TSPAN12: variants seen among roughly 807,000 people sequenced by gnomAD.
The protein encoded by TSPAN12 is tetraspanin 12.
A neutral mutation model predicts 39.2 loss-of-function variants in TSPAN12; 19 were observed. The ratio of observed to expected loss-of-function variants is 0.49; its 90% confidence interval spans 0.34 to 0.71. The LOEUF is 0.71. Among genes scored for constraint, TSPAN12 ranks in the 30% least tolerant of loss-of-function variants. TSPAN12 has a pLI of 0.01. For missense variants in TSPAN12, 314 were observed against 359.9 expected, an observed-to-expected ratio of 0.87 and a Z score of 1.03; for synonymous variants, 119 against 124.8, an observed-to-expected ratio of 0.95 and a Z score of 0.31.
At chr7:120,838,971 T>TA in intron 3 of TSPAN12, 59 bp from the exon 4 acceptor site, 1 of 1,548,592 alleles carries the variant, frequency 6.5e-7, no homozygotes, top group Non-Finnish European at 8.9e-7. Context: ...ACCCAAGACA[T>TA]AGCAGAAGAC....
At chr7:120,848,275 T>C (rs1238430305) in intron 2 of TSPAN12, among the ~76,000 whole-genome samples, 2 of 152,218 alleles carry the variant, frequency 1.3e-5, no homozygotes, top group South Asian at 2.1e-4. Context: ...AGTTATCCTA[T>C]TGTTCTTGTT....
At chr7:120,832,785 G>A (rs1044652399) in intron 4 of TSPAN12, among the ~76,000 whole-genome samples, 8 of 152,116 alleles carry the variant, frequency 5.3e-5, no homozygotes, top group African/African-American at 1.2e-4. Flanking sequence ...AAGGAAAGGA[G>A]AAACTGCTTG....
chr7:120,835,376 C>G (rs1038354890), intron 4 of TSPAN12, among the ~76,000 whole-genome samples: 1 of 152,018 alleles, frequency 6.6e-6, no homozygotes, highest in Non-Finnish European at 1.5e-5. Flanking sequence ...AGATAATTGT[C>G]GTCAGGTTTA....
chr7:120,841,194 C>T lies in TSPAN12; in HGVS notation c.67-1085G>A, dbSNP rs145075616. Among the ~76,000 whole-genome samples the T allele has an allele frequency of 8.5e-5, 13 of 152,218 alleles. No individual in the cohort carries two copies. In the East Asian group the frequency reaches 2.3e-3, roughly 27 times the overall value. ...GAGACAATTACACATAATGTGTCTC[C>T]CAACATGGTACGGTCAGAAGCACAC... is the stretch of plus-strand genomic sequence containing the variant. On this transcript the variant is annotated intron_variant, in intron 2 of 7. Coordinates refer to ENST00000222747, the MANE Select transcript of TSPAN12 (RefSeq NM_012338.4).
At chr7:120,790,101 A>G (rs1032408498) in intron 7 of TSPAN12, among the ~76,000 whole-genome samples, 19 of 151,782 alleles carry the variant, frequency 1.3e-4, no homozygotes, top group African/African-American at 4.4e-4. Flanking sequence ...CGGAAAACCC[A>G]CTCGGGAACC....
intron 6 of TSPAN12, among the ~76,000 whole-genome samples, chr7:120,807,866 A>G (rs962723409): frequency 1.3e-5 from 2 of 152,224 alleles, no homozygotes; most frequent in Admixed American, 6.6e-5. Flanking sequence ...AACTTAAAAA[A>G]TACTTTATAT....
At chr7:120,803,133 G>A (rs1793806348) in intron 7 of TSPAN12, among the ~76,000 whole-genome samples, 1 of 152,146 alleles carries the variant, frequency 6.6e-6, no homozygotes, top group South Asian at 2.1e-4. Context: ...TATTTTTAGT[G>A]ATGAGACACT....
At chr7:120,823,498 G>A (rs897219145) in intron 4 of TSPAN12, among the ~76,000 whole-genome samples, 8 of 152,082 alleles carry the variant, frequency 5.3e-5, no homozygotes, top group African/African-American at 1.9e-4. Context: ...AGACCCAGCT[G>A]TAAACAGCAT....
At chr7:120,802,703 A>C (rs917223352) in intron 7 of TSPAN12, among the ~76,000 whole-genome samples, 12 of 152,188 alleles carry the variant, frequency 7.9e-5, no homozygotes, top group African/African-American at 2.9e-4. Flanking sequence ...AATGTGATAG[A>C]TCCAAACTGA....
At chr7:120,846,840 C>T (rs2116490425) in intron 2 of TSPAN12, among the ~76,000 whole-genome samples, 1 of 152,266 alleles carries the variant, frequency 6.6e-6, no homozygotes, top group South Asian at 2.1e-4. Flanking sequence ...TGACCCATTC[C>T]ACGGGGTCAA....
chr7:120,839,196 C>G (rs1263646661), intron 3 of TSPAN12, among the ~76,000 whole-genome samples: 1 of 152,082 alleles, frequency 6.6e-6, no homozygotes, highest in African/African-American at 2.4e-5. Flanking sequence ...GATAAAAGGT[C>G]CATCTATTAT....
At chr7:120,818,667 C>T (rs1256308843) in intron 4 of TSPAN12, among the ~76,000 whole-genome samples, 2 of 152,032 alleles carry the variant, frequency 1.3e-5, no homozygotes, top group East Asian at 3.9e-4. Flanking sequence ...ACTGCATAAT[C>T]TCTCAGACAA....
chr7:120,811,571 G>A (rs887754855), intron 5 of TSPAN12, among the ~76,000 whole-genome samples: 25 of 151,484 alleles, frequency 1.7e-4, no homozygotes, highest in African/African-American at 5.8e-4. Flanking sequence ...TTGGGAGGCT[G>A]AGGCAGGAGA....
At chr7:120,831,213 C>T (rs1341909066) in intron 4 of TSPAN12, among the ~76,000 whole-genome samples, 2 of 151,942 alleles carry the variant, frequency 1.3e-5, no homozygotes, top group Non-Finnish European at 2.9e-5. Flanking sequence ...TAAATTAGTA[C>T]AGCCATTATG....
At chr7:120,831,517 C>T (rs1411498553) in intron 4 of TSPAN12, among the ~76,000 whole-genome samples, 1 of 151,950 alleles carries the variant, frequency 6.6e-6, no homozygotes, top group Non-Finnish European at 1.5e-5. Flanking sequence ...ACCTGGAGGA[C>T]ATTATGTTAA....
At chr7:120,799,242 G>T (rs933533653) in intron 7 of TSPAN12, among the ~76,000 whole-genome samples, 10 of 151,394 alleles carry the variant, frequency 6.6e-5, no homozygotes, top group African/African-American at 2.4e-4. Flanking sequence ...GAGCTGGGTT[G>T]TCTGGGAAAA....
intron 3 of TSPAN12, 21 bp from the exon 4 acceptor site, chr7:120,838,933 T>A (rs1167908784): frequency 6.2e-7 from 1 of 1,612,834 alleles, no homozygotes; most frequent in Admixed American, 1.7e-5. Context: ...AAAAATAATG[T>A]ATTAGAAAGA....
chr7:120,819,610 G>A (rs1794151109), intron 4 of TSPAN12, among the ~76,000 whole-genome samples: 1 of 152,112 alleles, frequency 6.6e-6, no homozygotes, highest in Non-Finnish European at 1.5e-5. Context: ...TTTAAAATTT[G>A]ATTCAAATAA....
chr7:120,821,342 T>C (rs1204046008), intron 4 of TSPAN12, among the ~76,000 whole-genome samples: 1 of 151,404 alleles, frequency 6.6e-6, no homozygotes, highest in Non-Finnish European at 1.5e-5. Context: ...TGAGAATAAA[T>C]AACTTTCGGT....
Sources: allele counts gnomAD v4.1 joint callset (sites outside exome capture counted in the v4.1 genomes callset), GRCh38; gene constraint gnomAD v4.1.1; transcripts MANE v1.5; gene names NCBI Gene and HGNC (gene_info 2026-07-23, HGNC 2026-07-21).